Variants in DDX27 observed in about 807,000 individuals in gnomAD.
The protein encoded by DDX27 is DEAD-box helicase 27, also known as probable ATP-dependent RNA helicase DDX27.
In DDX27, 42 loss-of-function variants were observed where a neutral mutation model predicts 99.3. That is an observed-to-expected ratio of 0.42 (90% CI 0.33 to 0.55). The LOEUF is 0.55. DDX27 is among the 20% of genes least tolerant of loss of function. The pLI, the probability that DDX27 is intolerant of heterozygous loss-of-function variation, is 0.07. For missense variants in DDX27, 798 were observed against 976.8 expected (o/e 0.82, Z 2.44); for synonymous variants, 329 against 353.8 (o/e 0.93, Z 0.79).
intron 16 of DDX27, 32 bp downstream of exon 16, chr20:49,239,370 T>A (rs1331828811): frequency 6.6e-7 from 1 of 1,517,996 alleles, no homozygotes. Flanking sequence ...GAAATCTAAA[T>A]ACAGAATTAC....
intron 7 of DDX27, among the ~76,000 whole-genome samples, chr20:49,226,857 CTTT>C (rs36048579): frequency 3.2e-5 from 2 of 63,466 alleles, no homozygotes; most frequent in East Asian, 4.8e-4. Flanking sequence ...GAGTAAAGGA[CTTT>C]TTTTTTTTTT....
chr20:49,230,380 T>C lies in DDX27; in HGVS notation c.1031+31T>C, dbSNP rs1424249558. On this transcript the variant is annotated intron_variant, in intron 9 of 20. Transcript: ENST00000618172. ...CCTCACAGCCTGGGGCCCAGGGCAC[T>C]GTGGGGTTCCAAGGCCCAGAACCTG... The C allele has an allele frequency of 4.4e-6, 7 of 1,588,908 alleles. No individual in the cohort carries two copies. In the East Asian group the frequency reaches 1.3e-4, roughly 31 times the overall value.
chr20:49,232,763 C>CA (rs3061137), intron 9 of DDX27: 3,493 of 61,796 alleles, frequency 0.057, 610 homozygotes, highest in African/African-American at 0.095. Flanking sequence ...GACTCCGTCT[C>CA]AAAAAAAAAA....
chr20:49,230,433 C>A (rs1467210709), intron 9 of DDX27, 84 bp downstream of exon 9: 1 of 1,480,194 alleles, frequency 6.8e-7, no homozygotes, highest in Non-Finnish European at 9.1e-7. Flanking sequence ...CTGCGTTATT[C>A]TTTGTGGCTC....
rs747573997 is a variant in DDX27, at chr20:49,236,463, T to C, written c.1640T>C (p.Ile547Thr). Residue 547 changes from isoleucine to threonine, a missense_variant, in exon 14 of 21, where the codon ATT becomes ACT. Physicochemically the swap from Ile to Thr is moderately conservative, Grantham distance 89. This residue lies in a region of DDX27 where 553 missense variants were observed against 727.9 expected (regional missense o/e 0.76). Transcript: ENST00000618172. This position sits in a 1 kb window ranked among gnomAD's most constrained non-coding sequence, Gnocchi z 4.1. ...GEDERKMLKE[I>T]VKAAKAPVKA... The stretch of plus-strand genomic sequence containing the variant: ...GATGAGCGGAAGATGCTGAAGGAGA[T>C]TGTAAAAGCTGCCAAGGCCCCTGTG... 15 of 1,610,594 alleles carry C rather than the reference T, an allele frequency of 9.3e-6. 1 individual carries two copies. Among genetic ancestry groups the C allele is most frequent in the Admixed American group, 5.0e-5 (3 of 59,444 alleles).
Position 49,233,351 on chromosome 20 carries a change from A to C in DDX27, c.1077A>C (p.Arg359=), listed in dbSNP as rs752486710. The C allele has an allele frequency of 3.1e-6, 5 of 1,613,886 alleles. No homozygotes were observed. In the South Asian group the frequency reaches 4.4e-5, roughly 14 times the overall value. ...YFEEQMKEII[R]MCSHHRQTML... is the part of the protein sequence containing the mutation. ...AGGAGCAGATGAAGGAGATCATCCGAATGTGTTCCCACCACCGCCAGACCA... is the reference window on the plus strand; with the variant it reads ...AGGAGCAGATGAAGGAGATCATCCGCATGTGTTCCCACCACCGCCAGACCA... The change falls in exon 10 of 21, where the codon CGA becomes CGC. Residue 359 remains arginine, a synonymous_variant. Coordinates refer to ENST00000618172, the MANE Select transcript of DDX27 (RefSeq NM_017895.8).
chr20:49,229,585 T>C (rs1198413095), intron 8 of DDX27, among the ~76,000 whole-genome samples: 1 of 151,966 alleles, frequency 6.6e-6, no homozygotes, highest in African/African-American at 2.4e-5. Flanking sequence ...TTTGTCTCCC[T>C]GTAACAGACA....
Position 49,236,136 on chromosome 20 carries a change from G to A in DDX27, c.1428-14G>A. ...AGGGTGTCTGGATGAACAGCTGTTT[G>A]TGACTGTTTCTAGGCGTTTTAAGGA... is the stretch of plus-strand genomic sequence containing the variant. On this transcript the variant is annotated splice_polypyrimidine_tract_variant and intron_variant, in intron 12 of 20. Coordinates refer to ENST00000618172, the MANE Select transcript of DDX27 (RefSeq NM_017895.8). The surrounding 1 kb of genome is among the most constrained non-coding windows in gnomAD (Gnocchi z 4.1). 3 of 1,604,262 alleles carry A rather than the reference G, an allele frequency of 1.9e-6. No individual in the cohort carries two copies. Among genetic ancestry groups the A allele is most frequent in the Non-Finnish European group, 2.6e-6 (3 of 1,175,362 alleles).
chr20:49,243,944 C>CA lies in DDX27; in HGVS notation c.*116dup. 1 of 1,312,306 alleles carries CA rather than the reference C, an allele frequency of 7.6e-7. No individual in the cohort carries two copies. Among genetic ancestry groups the CA allele is most frequent in the Non-Finnish European group, 1.1e-6 (1 of 941,504 alleles). 81.3% of individuals were successfully genotyped at this position (1,312,306 alleles called of 1,614,324 possible). A position where few individuals can be genotyped will look rare whatever the true frequency, so the allele number is the denominator to read the frequency against. On this transcript the variant is annotated 3_prime_UTR_variant, in exon 21 of 21. Coordinates refer to ENST00000618172, the MANE Select transcript of DDX27 (RefSeq NM_017895.8). ...CATTTGTTTAAAAAAAAAACAAAAACAAAAAACAACACTTTGGTGTGGTGG... is the reference window on the plus strand; with the variant it reads ...CATTTGTTTAAAAAAAAAACAAAAACAAAAAAACAACACTTTGGTGTGGTGG...
At position 49,233,719 on chromosome 20, in the gene DDX27, C is replaced by G. The variant is rs1381053839; in HGVS notation, c.1273+10C>G. On this transcript the variant is annotated intron_variant, in intron 11 of 20. Coordinates refer to ENST00000618172, the MANE Select transcript of DDX27 (RefSeq NM_017895.8). ...GAAGCCATCGTGGCAGGTGGCAGCA[C>G]AGGGCAAGCCTGGGCAGGGTGGGCT... 2 of 1,609,718 alleles carry G rather than the reference C, an allele frequency of 1.2e-6. No homozygotes were observed. Among genetic ancestry groups the G allele is most frequent in the Non-Finnish European group, 1.7e-6 (2 of 1,176,960 alleles).
chr20:49,226,861 T>TTTTTTTTTTA (rs1157738075), intron 7 of DDX27, among the ~76,000 whole-genome samples: 1 of 123,908 alleles, frequency 8.1e-6, no homozygotes, highest in Non-Finnish European at 1.7e-5. Context: ...AAAGGACTTT[T>TTTTTTTTTTA]TTTTTTTTTT....
rs1980324103 is a variant in DDX27, at chr20:49,236,793, C to T, written c.1687+283C>T. Among the ~76,000 whole-genome samples the T allele has an allele frequency of 6.6e-6, 1 of 152,146 alleles. No individual in the cohort carries two copies. The highest frequency in any genetic ancestry group is 2.4e-5 in the African/African-American group (1 of 41,434). ...CAAAATTCTCACTAAACTCCTCTTT[C>T]CCTTACTGTTGGTGGTGGGGAAGAG... On this transcript the variant is annotated intron_variant, in intron 14 of 20. Transcript: ENST00000618172. This position sits in a 1 kb window ranked among gnomAD's most constrained non-coding sequence, Gnocchi z 4.1.
chr20:49,236,550 G>T lies in DDX27; in HGVS notation c.1687+40G>T. 6.6e-7 allele frequency: 1 copy of T among 1,514,940 alleles called. No individual in the cohort carries two copies. The allele number at this position is 1,514,940 out of a possible 1,614,324, so 93.8% of individuals were successfully genotyped here. A position where few individuals can be genotyped will look rare whatever the true frequency, so the allele number is the denominator to read the frequency against. On this transcript the variant is annotated intron_variant, in intron 14 of 20. Coordinates refer to ENST00000618172, the MANE Select transcript of DDX27 (RefSeq NM_017895.8). The surrounding 1 kb of genome is among the most constrained non-coding windows in gnomAD (Gnocchi z 4.1). ...CTGTGGCAGTGCAGAATGGCTCGGT[G>T]GGCGGGGCAAGGACAGAGTGTAATG... is the stretch of plus-strand genomic sequence containing the variant.
rs146695227 is a variant in DDX27, at chr20:49,242,256, C to T, written c.2116+50C>T. 1.5e-3 allele frequency: 2,442 copies of T among 1,603,194 alleles called. 34 individuals are homozygous for T. The African/African-American group carries it at 0.028, about 18-fold the overall frequency. ...AGCTTGTACAAGGTTTTCCCTGAAA[C>T]CTGTGCTTTGGGTCAGGGAGAAAAT... On this transcript the variant is annotated intron_variant, in intron 18 of 20. Coordinates refer to ENST00000618172, the MANE Select transcript of DDX27 (RefSeq NM_017895.8).
At chr20:49,230,555 G>A (rs1225260266) in intron 9 of DDX27, among the ~76,000 whole-genome samples, 3 of 152,230 alleles carry the variant, frequency 2.0e-5, no homozygotes, top group Non-Finnish European at 4.4e-5. Flanking sequence ...TGGTGGTTAA[G>A]TGATAAGGCT....
At chr20:49,234,378 C>G (rs1342693390) in intron 11 of DDX27, 2 of 152,618 alleles carry the variant, frequency 1.3e-5, no homozygotes, top group Non-Finnish European at 2.9e-5. Flanking sequence ...ATTCTCCTGC[C>G]TCAGCCTCCC....
At chr20:49,240,613 G>C (rs1980446361) in intron 16 of DDX27, among the ~76,000 whole-genome samples, 1 of 152,124 alleles carries the variant, frequency 6.6e-6, no homozygotes, top group Admixed American at 6.5e-5. Context: ...ATTTTTAGTA[G>C]AGATGGGATT....
At position 49,219,552 on chromosome 20, in the gene DDX27, G is replaced by A. The variant is rs760626670; in HGVS notation, c.93+11G>A. ...GACGAGGAAGAGGAGGTATGAGCAC[G>A]GTTCTGGTCTTTGGGTTTCCTTGAC... On this transcript the variant is annotated intron_variant, in intron 1 of 20. Coordinates refer to ENST00000618172, the MANE Select transcript of DDX27 (RefSeq NM_017895.8). 1.9e-6 allele frequency: 3 copies of A among 1,599,416 alleles called. No individual in the cohort carries two copies. Among genetic ancestry groups the A allele is most frequent in the East Asian group, 4.6e-5 (2 of 43,822 alleles).
At position 49,243,948 on chromosome 20, in the gene DDX27, A is replaced by AAAC; in HGVS notation, c.*119_*121dup. On this transcript the variant is annotated 3_prime_UTR_variant, in exon 21 of 21. Transcript: ENST00000618172. ...TGTTTAAAAAAAAAACAAAAACAAA[A>AAAC]AACAACACTTTGGTGTGGTGGTATG... 2 of 1,314,126 alleles carry AAAC rather than the reference A, an allele frequency of 1.5e-6. No homozygotes were observed. The highest frequency in any genetic ancestry group is 2.4e-5 in the East Asian group (1 of 41,796). The allele number at this position is 1,314,126 out of a possible 1,614,324, so 81.4% of individuals were successfully genotyped here. A position where few individuals can be genotyped will look rare whatever the true frequency, so the allele number is the denominator to read the frequency against.
Sources: gnomAD v4.1 joint callset for allele counts (sites outside exome capture counted in the v4.1 genomes callset) on GRCh38, gnomAD v4.1.1 for gene constraint, gnomAD v4.1.1 regional missense constraint, Gnocchi (gnomAD v3.1) non-coding constraint, MANE v1.5 for transcripts, NCBI Gene and HGNC (gene_info 2026-07-23, HGNC 2026-07-21) for gene names.